NUBPL: variants seen among roughly 807,000 people sequenced by gnomAD.
NUBPL encodes iron-sulfur cluster transfer protein NUBPL.
A neutral mutation model predicts 45.7 loss-of-function variants in NUBPL; 31 were observed. The observed-to-expected ratio is 0.68, with a 90% CI of 0.51 to 0.92. NUBPL has a LOEUF of 0.92. NUBPL is among the 40% of genes least tolerant of loss of function. The pLI is 0.00. For missense variants in NUBPL, 401 were observed against 398.7 expected (o/e 1.01, Z -0.05); for synonymous variants, 144 against 140.9 (o/e 1.02, Z -0.15).
At chr14:31,820,824 CAA>C (rs1313607475) in intron 7 of NUBPL, among the ~76,000 whole-genome samples, 9 of 89,614 alleles carry the variant, frequency 1.0e-4, no homozygotes, top group Admixed American at 2.5e-4. Context: ...GACTCCGTCT[CAA>C]AAAAAAAAAA....
At position 31,806,825 on chromosome 14, in the gene NUBPL, A is replaced by G. The variant is rs1184095059; in HGVS notation, c.607+18952A>G. On this transcript the variant is annotated intron_variant, in intron 7 of 10. Transcript: ENST00000281081. ...TGTGATGTTCCCCACCCTGTGTCCA[A>G]GTGTTCTCATTGTTCAATTCCCACC... Among the ~76,000 whole-genome samples the G allele has an allele frequency of 7.2e-5, 11 of 152,094 alleles. No homozygotes were observed. In the East Asian group the frequency reaches 1.9e-3, roughly 27 times the overall value.
At chr14:31,846,280 G>A (rs914910782) in intron 8 of NUBPL, 191 bp from the exon 9 acceptor site, 22 of 572,252 alleles carry the variant, frequency 3.8e-5, no homozygotes, top group Non-Finnish European at 6.5e-5. Context: ...TGATATCAAA[G>A]GTAATTCTAT....
At chr14:31,601,963 A>C (rs1173271784) in intron 4 of NUBPL, among the ~76,000 whole-genome samples, 2 of 152,224 alleles carry the variant, frequency 1.3e-5, no homozygotes, top group African/African-American at 4.8e-5. Flanking sequence ...GGCCCTAATC[A>C]CAATAGCAAA....
At position 31,624,348 on chromosome 14, in the gene NUBPL, A is replaced by G. The variant is rs74589678; in HGVS notation, c.382+24969A>G. On this transcript the variant is annotated intron_variant, in intron 4 of 10. Transcript: ENST00000281081. ...TTCTTAAATGATGAATTAGGTTATG[A>G]TATGTTGAATTTGGTTGATGCCTAG... Among the ~76,000 whole-genome samples the G allele has an allele frequency of 2.8e-3, 430 of 152,182 alleles. 2 individuals are homozygous for G. The highest frequency in any genetic ancestry group is 4.7e-3 in the Non-Finnish European group (323 of 68,002).
chr14:31,616,867 A>G (rs2034916075), intron 4 of NUBPL, among the ~76,000 whole-genome samples: 1 of 152,136 alleles, frequency 6.6e-6, no homozygotes, highest in South Asian at 2.1e-4. Context: ...TTTGGGTAGT[A>G]TGGCCATTTT....
intron 6 of NUBPL, among the ~76,000 whole-genome samples, chr14:31,736,946 T>A (rs1346623338): frequency 6.6e-6 from 1 of 152,246 alleles, no homozygotes; most frequent in Admixed American, 6.5e-5. Context: ...GAGTACTGCT[T>A]ATTGTCTACT....
chr14:31,741,217 A>G (rs1257302918), intron 6 of NUBPL, among the ~76,000 whole-genome samples: 1 of 152,116 alleles, frequency 6.6e-6, no homozygotes, highest in Non-Finnish European at 1.5e-5. Context: ...ATTGCTTTAA[A>G]TAGGTTTTTA....
chr14:31,705,894 G>A (rs906414146), intron 6 of NUBPL, among the ~76,000 whole-genome samples: 12 of 152,182 alleles, frequency 7.9e-5, no homozygotes, highest in Non-Finnish European at 1.2e-4. Flanking sequence ...GCCCAGTGCA[G>A]GGCCTGCCGA....
chr14:31,647,261 G>GT (rs796243143), intron 4 of NUBPL, among the ~76,000 whole-genome samples: 4 of 152,182 alleles, frequency 2.6e-5, no homozygotes, highest in African/African-American at 9.6e-5. Context: ...GCTGTTTCTT[G>GT]TGGATGTACA....
At chr14:31,578,761 T>G (rs1238694130) in intron 3 of NUBPL, among the ~76,000 whole-genome samples, 1 of 152,236 alleles carries the variant, frequency 6.6e-6, no homozygotes, top group Non-Finnish European at 1.5e-5. Flanking sequence ...TTTGTACTTC[T>G]GTAAAAATCT....
intron 7 of NUBPL, among the ~76,000 whole-genome samples, chr14:31,818,747 AC>A (rs1362024345): frequency 7.9e-5 from 12 of 152,092 alleles, no homozygotes; most frequent in Non-Finnish European, 2.9e-5. Flanking sequence ...ATGGGGTTTC[AC>A]CGTGTTAGCC....
Position 31,695,279 on chromosome 14 carries a change from T to A in NUBPL, c.513+21705T>A, listed in dbSNP as rs540480720. Among the ~76,000 whole-genome samples, 4 of 152,310 alleles carry A rather than the reference T, an allele frequency of 2.6e-5. No homozygotes were observed. The South Asian group carries it at 8.3e-4, about 32-fold the overall frequency. On this transcript the variant is annotated intron_variant, in intron 6 of 10. Coordinates refer to ENST00000281081, the MANE Select transcript of NUBPL (RefSeq NM_025152.3). Reference sequence around the variant, plus strand: ...TTTTTCTGTTGTCAGATGACTTACATGTGTACCTACAACTCACTGTGATGA... The same window carrying A: ...TTTTTCTGTTGTCAGATGACTTACAAGTGTACCTACAACTCACTGTGATGA...
chr14:31,596,081 T>C lies in NUBPL; in HGVS notation c.292-3208T>C, dbSNP rs1435609091. 2.0e-5 allele frequency among the ~76,000 whole-genome samples: 3 copies of C among 152,026 alleles called. No individual in the cohort carries two copies. In the East Asian group the frequency reaches 5.8e-4, roughly 29 times the overall value. On this transcript the variant is annotated intron_variant, in intron 3 of 10. Coordinates refer to ENST00000281081, the MANE Select transcript of NUBPL (RefSeq NM_025152.3). ...GCCAGCACGCCTAGCTAATTTTTTGTATTTTTAGTAGAGACGGGGTTTCAC... is the reference window on the plus strand; with the variant it reads ...GCCAGCACGCCTAGCTAATTTTTTGCATTTTTAGTAGAGACGGGGTTTCAC...
chr14:31,671,201 T>A (rs2036561766), intron 4 of NUBPL, among the ~76,000 whole-genome samples: 1 of 152,204 alleles, frequency 6.6e-6, no homozygotes, highest in African/African-American at 2.4e-5. Flanking sequence ...CCTAGTTAGT[T>A]AGATTTCATT....
At chr14:31,679,583 T>C (rs561940895) in intron 6 of NUBPL, among the ~76,000 whole-genome samples, 1 of 152,348 alleles carries the variant, frequency 6.6e-6, no homozygotes, top group East Asian at 1.9e-4. Flanking sequence ...GTGTATCATC[T>C]ATTCTGGATA....
At chr14:31,615,942 A>C (rs976166233) in intron 4 of NUBPL, among the ~76,000 whole-genome samples, 2 of 152,146 alleles carry the variant, frequency 1.3e-5, no homozygotes, top group African/African-American at 4.8e-5. Flanking sequence ...ATTTCTCCAC[A>C]TCCTCTCCAG....
chr14:31,765,130 T>A (rs1366645010), intron 6 of NUBPL, among the ~76,000 whole-genome samples: 1 of 152,188 alleles, frequency 6.6e-6, no homozygotes, highest in Non-Finnish European at 1.5e-5. Flanking sequence ...GGAATTTAAT[T>A]GATATATTCA....
At chr14:31,567,178 T>C (rs1442293379) in intron 3 of NUBPL, among the ~76,000 whole-genome samples, 2 of 152,188 alleles carry the variant, frequency 1.3e-5, no homozygotes, top group Non-Finnish European at 2.9e-5. Context: ...TTTTCTAGCA[T>C]GCTAATGAAA....
intron 6 of NUBPL, among the ~76,000 whole-genome samples, chr14:31,723,822 T>C (rs2037862882): frequency 6.6e-6 from 1 of 152,250 alleles, no homozygotes; most frequent in Non-Finnish European, 1.5e-5. Context: ...TGAAGTTGTT[T>C]ATCAGCGTAA....
Sources: allele counts gnomAD v4.1 joint callset (sites outside exome capture counted in the v4.1 genomes callset), GRCh38; gene constraint gnomAD v4.1.1; transcripts MANE v1.5; gene names NCBI Gene and HGNC (gene_info 2026-07-23, HGNC 2026-07-21).